Variants in KCNN2 observed in about 807,000 individuals in gnomAD.
KCNN2 encodes small conductance calcium-activated potassium channel protein 2.
A neutral mutation model predicts 55.5 loss-of-function variants in KCNN2; 24 were observed. The ratio of observed to expected loss-of-function variants is 0.43; its 90% CI spans 0.31 to 0.61. The LOEUF (loss-of-function observed/expected upper bound fraction) is 0.61, where lower values mean the gene tolerates loss of function less well. KCNN2 is among the 20% of genes least tolerant of loss of function. The pLI, the probability that KCNN2 is intolerant of heterozygous loss-of-function variation, is 0.08. For missense variants in KCNN2, 754 were observed against 853.6 expected (o/e 0.88, Z 1.45); for synonymous variants, 431 against 336.1 (o/e 1.28, Z -3.09).
intron 1 of KCNN2, among the ~76,000 whole-genome samples, chr5:114,152,150 C>T (rs1490695385): frequency 6.6e-6 from 1 of 151,974 alleles, no homozygotes; most frequent in Non-Finnish European, 1.5e-5. Flanking sequence ...ATTATAGTTC[C>T]AATTACCATT....
chr5:114,223,707 A>G (rs968415245), intron 2 of KCNN2, among the ~76,000 whole-genome samples: 2 of 152,216 alleles, frequency 1.3e-5, no homozygotes, highest in Non-Finnish European at 2.9e-5. Flanking sequence ...AGGCTGGGGA[A>G]TAAAAGGATG....
upstream of KCNN2, among the ~76,000 whole-genome samples, chr5:114,358,212 C>T (rs1414996759): frequency 6.6e-6 from 1 of 152,064 alleles, no homozygotes; most frequent in East Asian, 1.9e-4. Flanking sequence ...ACCTACTCAT[C>T]TGACAAAGGG....
chr5:114,163,262 C>T (rs186947360), intron 1 of KCNN2, among the ~76,000 whole-genome samples: 1 of 152,264 alleles, frequency 6.6e-6, no homozygotes, highest in East Asian at 1.9e-4. Context: ...TTCCTGTCTT[C>T]CAGTTTGAAT....
At chr5:114,349,288 C>G (rs1178136599) in intron 2 of KCNN2, among the ~76,000 whole-genome samples, 1 of 151,962 alleles carries the variant, frequency 6.6e-6, no homozygotes, top group Non-Finnish European at 1.5e-5. Context: ...GGTTGAGAAT[C>G]CCTAATCTGA....
At chr5:114,141,466 C>CT (rs1351459550) in intron 1 of KCNN2, among the ~76,000 whole-genome samples, 1 of 152,026 alleles carries the variant, frequency 6.6e-6, no homozygotes, top group African/African-American at 2.4e-5. Flanking sequence ...TGAACTCATC[C>CT]TTTTTTATGA....
rs1236707548 is a variant in KCNN2 at position 114,090,561 on chromosome 5, CTA to C, written c.-271+34071_-271+34072del. Among the ~76,000 whole-genome samples the C allele has an allele frequency of 1.4e-4, 20 of 138,170 alleles. 1 individual carries two copies. Among genetic ancestry groups the C allele is most frequent in the South Asian group, 9.2e-4 (4 of 4,346 alleles). 90.6% of individuals were successfully genotyped at this position (138,170 alleles called of 152,430 possible). On this transcript the variant is annotated intron_variant, in intron 1 of 10. Coordinates refer to the KCNN2 transcript ENST00000512097. ...TTTCTCTCTTCCTCTCTCTCTCTCTCTATATATATATGTATGTATATATATAC... is the reference window on the plus strand; with the variant it reads ...TTTCTCTCTTCCTCTCTCTCTCTCTCTATATATATGTATGTATATATATAC...
chr5:114,140,203 A>T (rs1752248228), intron 1 of KCNN2, among the ~76,000 whole-genome samples: 1 of 152,224 alleles, frequency 6.6e-6, no homozygotes. Flanking sequence ...TGGAATTGTC[A>T]ATAATTTTTA....
intron 1 of KCNN2, among the ~76,000 whole-genome samples, chr5:114,078,922 A>G (rs909888634): frequency 6.6e-6 from 1 of 152,208 alleles, no homozygotes; most frequent in African/African-American, 2.4e-5. Context: ...TATTAGCAAG[A>G]AAGAATGTGT....
At chr5:114,384,889 C>T (rs953459855) in intron 2 of KCNN2, among the ~76,000 whole-genome samples, 2 of 152,114 alleles carry the variant, frequency 1.3e-5, no homozygotes, top group African/African-American at 4.8e-5. Context: ...TGCCACTTCT[C>T]TATGCAAATA....
chr5:114,080,943 G>A (rs75069926), intron 1 of KCNN2, among the ~76,000 whole-genome samples: 4,169 of 152,006 alleles, frequency 0.027, 91 homozygotes, highest in Non-Finnish European at 0.045. Context: ...TAAAGATTCC[G>A]CACAAAACAC....
At chr5:114,127,764 C>G (rs985022010) in intron 1 of KCNN2, among the ~76,000 whole-genome samples, 14 of 152,164 alleles carry the variant, frequency 9.2e-5, no homozygotes, top group African/African-American at 3.1e-4. Context: ...AACTTTTATG[C>G]TCTGCTTTCT....
Position 114,205,391 on chromosome 5 carries a change from G to T in KCNN2, c.-270-16089G>T, listed in dbSNP as rs554055168. 1.5e-3 allele frequency among the ~76,000 whole-genome samples: 228 copies of T among 152,242 alleles called. 1 individual carries two copies. The highest frequency in any genetic ancestry group is 4.7e-3 in the African/African-American group (195 of 41,552). Reference sequence around the variant, plus strand: ...TTTAATATGCTGCCTAGTCATTTTTGTGTTACATTAAGTTTATTTTGTCTT... The same window carrying T: ...TTTAATATGCTGCCTAGTCATTTTTTTGTTACATTAAGTTTATTTTGTCTT... On this transcript the variant is annotated intron_variant, in intron 1 of 10. Transcript: ENST00000512097.
intron 2 of KCNN2, among the ~76,000 whole-genome samples, chr5:114,269,736 C>T (rs1755285191): frequency 6.6e-6 from 1 of 152,086 alleles, no homozygotes; most frequent in South Asian, 2.1e-4. Flanking sequence ...ATCTGCTCAC[C>T]AGATGCTGAA....
chr5:114,158,085 A>G lies in KCNN2; in HGVS notation c.-270-63395A>G, dbSNP rs1406551036. Among the ~76,000 whole-genome samples the G allele has an allele frequency of 3.9e-5, 6 of 152,274 alleles. No homozygotes were observed. In the East Asian group the frequency reaches 5.8e-4, roughly 15 times the overall value. On this transcript the variant is annotated intron_variant, in intron 1 of 10. Coordinates refer to the KCNN2 transcript ENST00000512097. Reference sequence around the variant, plus strand: ...AGACATGAAGTCCTTGCCCATGCCTATGGCCTGAATGGTATTGCCTAGGTT... The same window carrying G: ...AGACATGAAGTCCTTGCCCATGCCTGTGGCCTGAATGGTATTGCCTAGGTT...
chr5:114,213,496 T>G (rs1753932797), intron 1 of KCNN2, among the ~76,000 whole-genome samples: 1 of 152,028 alleles, frequency 6.6e-6, no homozygotes, highest in Non-Finnish European at 1.5e-5. Flanking sequence ...GTTTTTGTTT[T>G]GTTTTTGTGA....
intron 1 of KCNN2, among the ~76,000 whole-genome samples, chr5:114,186,372 G>T (rs1041675388): frequency 2.6e-5 from 4 of 152,082 alleles, no homozygotes; most frequent in Non-Finnish European, 5.9e-5. Context: ...GCTGGGAAAA[G>T]GTCCCAAAAC....
upstream of KCNN2, among the ~76,000 whole-genome samples, chr5:114,358,015 CATT>C: frequency 6.6e-6 from 1 of 151,018 alleles, no homozygotes; most frequent in African/African-American, 2.4e-5. Context: ...GATGGTATCT[CATT>C]GTGGTTTTGA....
rs1753097419 is a variant in KCNN2, at chr5:114,174,350, T to C, written c.-270-47130T>C. 1.3e-5 allele frequency among the ~76,000 whole-genome samples: 2 copies of C among 152,130 alleles called. 1 individual carries two copies. The highest frequency in any genetic ancestry group is 4.1e-4 in the South Asian group (2 of 4,834). On this transcript the variant is annotated intron_variant, in intron 1 of 10. Transcript: ENST00000512097. ...GTAAGTTTGCTTTCTGACTAAGCAG[T>C]GACACAAACAGACCTACTGCAGATG...
chr5:114,248,953 C>A (rs77969240), intron 2 of KCNN2, among the ~76,000 whole-genome samples: 4,557 of 152,250 alleles, frequency 0.03, 233 homozygotes, highest in African/African-American at 0.1. Flanking sequence ...TATGCCATGA[C>A]AGCAGGTGAA....
Sources: gnomAD v4.1 joint callset for allele counts (sites outside exome capture counted in the v4.1 genomes callset) on GRCh38, gnomAD v4.1.1 for gene constraint, MANE v1.5 for transcripts, NCBI Gene and HGNC (gene_info 2026-07-23, HGNC 2026-07-21) for gene names.